ATP8A1: variants seen among roughly 807,000 people sequenced by gnomAD.
ATP8A1 encodes the protein ATPase phospholipid transporting 8A1.
ATP8A1 carries 90 observed loss-of-function variants against 177.7 expected under a neutral mutation model. The ratio of observed to expected loss-of-function variants is 0.51; its 90% CI spans 0.43 to 0.60. The LOEUF is 0.60. ATP8A1 is among the 20% of genes least tolerant of loss of function. ATP8A1 has a pLI of 0.00. For missense variants in ATP8A1, 1,072 were observed against 1,392.8 expected (o/e 0.77, Z 3.67); for synonymous variants, 493 against 485.9 (o/e 1.01, Z -0.19).
intron 33 of ATP8A1, among the ~76,000 whole-genome samples, chr4:42,439,351 C>T (rs1179836741): frequency 1.3e-5 from 2 of 152,172 alleles, no homozygotes; most frequent in Non-Finnish European, 2.9e-5. Flanking sequence ...AGACCAGCAT[C>T]CTGTTCTGCT....
At chr4:42,430,767 ATAGTGCTTTTAC>A (rs1360524210) in intron 33 of ATP8A1, among the ~76,000 whole-genome samples, 1 of 152,142 alleles carries the variant, frequency 6.6e-6, no homozygotes, top group Non-Finnish European at 1.5e-5. Flanking sequence ...GTTAGGAATA[ATAGTGCTTTTAC>A]TAGTCACCCC....
At chr4:42,624,392 A>G in intron 4 of ATP8A1, 144 bp downstream of exon 4, 1 of 437,702 alleles carries the variant, frequency 2.3e-6, no homozygotes. Context: ...CTTCAGGGAT[A>G]GGAACATATT....
intron 25 of ATP8A1, among the ~76,000 whole-genome samples, chr4:42,467,607 C>T (rs909159564): frequency 1.3e-5 from 2 of 152,130 alleles, no homozygotes; most frequent in African/African-American, 4.8e-5. Flanking sequence ...TCAGGAGAAT[C>T]GCTTGAACCC....
At chr4:42,528,714 C>T (rs1726960491) in intron 20 of ATP8A1, among the ~76,000 whole-genome samples, 1 of 152,170 alleles carries the variant, frequency 6.6e-6, no homozygotes, top group African/African-American at 2.4e-5. Flanking sequence ...GTGTCATGAT[C>T]TTATTCAGTG....
At chr4:42,477,543 G>A (rs941258148) in intron 25 of ATP8A1, among the ~76,000 whole-genome samples, 2 of 152,086 alleles carry the variant, frequency 1.3e-5, no homozygotes, top group African/African-American at 4.8e-5. Flanking sequence ...CTCTTGCCTG[G>A]GGGCATACAG....
intron 1 of ATP8A1, among the ~76,000 whole-genome samples, chr4:42,653,669 C>A (rs1326198373): frequency 9.2e-5 from 14 of 152,344 alleles, no homozygotes; most frequent in Admixed American, 7.2e-4. Context: ...TGGCCCCCAA[C>A]TGGCCCTGTT....
intron 20 of ATP8A1, among the ~76,000 whole-genome samples, chr4:42,538,233 G>A (rs1470191182): frequency 1.3e-5 from 2 of 152,102 alleles, no homozygotes; most frequent in Admixed American, 6.6e-5. Context: ...GAATAAAACT[G>A]GATCCTCATC....
chr4:42,410,594 A>C lies in ATP8A1; in HGVS notation c.*2322T>G, dbSNP rs1301246087. 2 of 152,196 alleles carry C rather than the reference A, an allele frequency of 1.3e-5. No homozygotes were observed. Among genetic ancestry groups the C allele is most frequent in the Non-Finnish European group, 2.9e-5 (2 of 68,024 alleles). 9.4% of individuals were successfully genotyped at this position (152,196 alleles called of 1,614,324 possible). A position where few individuals can be genotyped will look rare whatever the true frequency, so the allele number is the denominator to read the frequency against. On this transcript the variant is annotated 3_prime_UTR_variant, in exon 37 of 37. Transcript: ENST00000381668. Reference sequence around the variant, plus strand: ...GTCATTCCCTGTCCCTCAAACCCCAAGTCTCACCCAGGAAGCAAAGAGACT... The same window carrying C: ...GTCATTCCCTGTCCCTCAAACCCCACGTCTCACCCAGGAAGCAAAGAGACT...
chr4:42,614,804 C>G (rs1327776752), intron 5 of ATP8A1, among the ~76,000 whole-genome samples: 1 of 152,140 alleles, frequency 6.6e-6, no homozygotes, highest in Non-Finnish European at 1.5e-5. Flanking sequence ...GTCTTATTTT[C>G]CTGAAAAACC....
chr4:42,627,012 G>A lies in ATP8A1; in HGVS notation c.147C>T (p.Phe49=), dbSNP rs1738174232. 6.2e-7 allele frequency: 1 copy of A among 1,613,884 alleles called. No individual in the cohort carries two copies. The highest frequency in any genetic ancestry group is 1.3e-5 in the African/African-American group (1 of 74,934). ...IFINQPQLTK[F]CNNHVSTAKY... ...GTTCTTACCTGACATGGTTATTGCA[G>A]AATTTTGTCAGCTGGGGCTGGTTGA... The change falls in exon 2 of 37, where the codon TTC becomes TTT. Residue 49 remains phenylalanine, a synonymous_variant. Coordinates refer to ENST00000381668, the MANE Select transcript of ATP8A1 (RefSeq NM_006095.2).
rs569998022 is a variant in ATP8A1 at position 42,550,975 on chromosome 4, T to C, written c.1602+223A>G. On this transcript the variant is annotated intron_variant, in intron 18 of 36. Coordinates refer to ENST00000381668, the MANE Select transcript of ATP8A1 (RefSeq NM_006095.2). ...ACCCTCATGTAACAGAATCAGAAGA[T>C]ACATTAAAATTGAAGAGTCAAAACA... 3.3e-4 allele frequency among the ~76,000 whole-genome samples: 50 copies of C among 152,326 alleles called. 1 individual carries two copies. The highest frequency in any genetic ancestry group is 3.1e-3 in the Admixed American group (48 of 15,300).
intron 1 of ATP8A1, among the ~76,000 whole-genome samples, chr4:42,654,290 AGACTATTTATTCCCTCTTT>A (rs1221977948): frequency 6.6e-6 from 1 of 152,126 alleles, no homozygotes; most frequent in Non-Finnish European, 1.5e-5. Flanking sequence ...ATCCCCTCTT[AGACTATTTATTCCCTCTTT>A]AAGTCCTTTC....
At chr4:42,626,634 G>T in intron 2 of ATP8A1, 1 of 236,690 alleles carries the variant, frequency 4.2e-6, no homozygotes, top group Non-Finnish European at 8.4e-6. Context: ...AGGAATTCTT[G>T]GTGCAGAATT....
intron 6 of ATP8A1, among the ~76,000 whole-genome samples, chr4:42,596,703 C>T (rs1304503301): frequency 6.7e-6 from 1 of 148,626 alleles, no homozygotes; most frequent in African/African-American, 2.5e-5. Flanking sequence ...AAAAGAAATA[C>T]ATATTGTGGT....
At chr4:42,586,502 A>T (rs370455582) in intron 8 of ATP8A1, 26 bp from the exon 9 acceptor site, 2 of 1,607,156 alleles carry the variant, frequency 1.2e-6, no homozygotes, top group Non-Finnish European at 1.7e-6. Flanking sequence ...AAATAAGCAA[A>T]AAGTATATTA....
intron 15 of ATP8A1, chr4:42,561,970 C>T (rs1050335715): frequency 2.0e-5 from 3 of 152,120 alleles, no homozygotes; most frequent in African/African-American, 4.8e-5. Context: ...TGGTGGGTAT[C>T]GTGACAAAAG....
intron 15 of ATP8A1, among the ~76,000 whole-genome samples, chr4:42,561,072 G>A (rs1730770153): frequency 6.6e-6 from 1 of 152,114 alleles, no homozygotes; most frequent in Non-Finnish European, 1.5e-5. Context: ...AAATTCAAGC[G>A]AATATAGCCA....
In ATP8A1 at chr4:42,507,104, T is replaced by C; in HGVS notation, c.1998A>G (p.Gln666=). 1 of 1,614,100 alleles carries C rather than the reference T, an allele frequency of 6.2e-7. No homozygotes were observed. The highest frequency in any genetic ancestry group is 1.1e-5 in the South Asian group (1 of 91,082). ...TTAGCGTTTCTATGGTTTCAGGCAC[T>C]TGATCTTGTAATTTATCCTCAATGG... ...ATAIEDKLQD[Q]VPETIETLMK... Residue 666 remains glutamine (Q), a synonymous_variant, in exon 23 of 37, where the codon CAA becomes CAG. Coordinates refer to ENST00000381668, the MANE Select transcript of ATP8A1 (RefSeq NM_006095.2).
At chr4:42,434,511 T>C (rs957315577) in intron 33 of ATP8A1, among the ~76,000 whole-genome samples, 3 of 152,194 alleles carry the variant, frequency 2.0e-5, no homozygotes, top group African/African-American at 4.8e-5. Flanking sequence ...ATGGCTTACA[T>C]AGAAAAACTG....
Sources: gnomAD v4.1 joint callset for allele counts (sites outside exome capture counted in the v4.1 genomes callset) on GRCh38, gnomAD v4.1.1 for gene constraint, MANE v1.5 for transcripts, NCBI Gene and HGNC (gene_info 2026-07-23, HGNC 2026-07-21) for gene names.